The following STK33 variants were observed in gnomAD, a reference collection of about 807,000 sequenced individuals.
STK33 encodes the protein serine/threonine-protein kinase 33.
Under a neutral mutation model 58.0 loss-of-function variants are expected in STK33, and 52 were observed. The observed-to-expected ratio is 0.90, with a 90% CI of 0.72 to 1.13. STK33 has a LOEUF of 1.13. STK33 is among the 50% of genes most tolerant of loss of function. The probability of loss-of-function intolerance (pLI) is 0.00; values close to 1 mark genes in which losing one functional copy is unlikely to be tolerated. For missense variants in STK33, 630 were observed against 604.2 expected, an observed-to-expected ratio of 1.04 and a Z score of -0.45; for synonymous variants, 215 against 200.1, an observed-to-expected ratio of 1.07 and a Z score of -0.63.
At chr11:8,366,987 A>G in the STK33 span, among the ~76,000 whole-genome samples, 3 of 152,152 alleles carry the variant, frequency 2.0e-5, no homozygotes, top group East Asian at 5.8e-4. Context: ...CATGTGTGCA[A>G]GTGTATTTGT....
chr11:8,396,130 T>G (rs1431809462), intron 15 of STK33, among the ~76,000 whole-genome samples: 1 of 152,050 alleles, frequency 6.6e-6, no homozygotes, highest in Non-Finnish European at 1.5e-5. Flanking sequence ...TGAGGTGGAG[T>G]TTTGCTCTTA....
intron 1 of STK33, among the ~76,000 whole-genome samples, chr11:8,494,940 T>G (rs570819652): frequency 6.6e-6 from 1 of 152,072 alleles, no homozygotes; most frequent in African/African-American, 2.4e-5. Flanking sequence ...ACACAAAAAT[T>G]AACTCAAGAT....
chr11:8,455,580 G>A (rs559755179), intron 9 of STK33, among the ~76,000 whole-genome samples: 2 of 152,140 alleles, frequency 1.3e-5, no homozygotes, highest in East Asian at 1.9e-4. Context: ...AGGCTGAGGC[G>A]GGCGGATCAT....
chr11:8,481,313 A>G (rs2138211909), intron 1 of STK33, among the ~76,000 whole-genome samples: 1 of 152,348 alleles, frequency 6.6e-6, no homozygotes, highest in South Asian at 2.1e-4. Context: ...TTTAGCAGAA[A>G]TAATATTAAT....
chr11:8,482,979 C>T (rs1949938508), intron 1 of STK33, among the ~76,000 whole-genome samples: 1 of 152,060 alleles, frequency 6.6e-6, no homozygotes, highest in Non-Finnish European at 1.5e-5. Flanking sequence ...AATCTGCCTG[C>T]CTCGGCCTCC....
In STK33 at chr11:8,448,187, C is replaced by T. The variant is rs185897678; in HGVS notation, c.871+4635G>A. On this transcript the variant is annotated intron_variant, in intron 11 of 15. Transcript: ENST00000687296. The stretch of plus-strand genomic sequence containing the variant: ...GCTCACGGGTAGGAAGAATCAATAT[C>T]GTGAAAATGGCCATACTGTCCAAGG... Among the ~76,000 whole-genome samples, 575 of 152,188 alleles carry T rather than the reference C, an allele frequency of 3.8e-3. 6 individuals carry two copies. The highest frequency in any genetic ancestry group is 0.013 in the African/African-American group (555 of 41,518).
chr11:8,361,153 A>T, the STK33 span, among the ~76,000 whole-genome samples: 9 of 152,320 alleles, frequency 5.9e-5, no homozygotes, highest in East Asian at 1.7e-3. This position sits in a 1 kb window ranked among gnomAD's most constrained non-coding sequence, Gnocchi z 4.8. Context: ...GTTCCTGGAA[A>T]GCCTGAGGTT....
intron 1 of STK33, among the ~76,000 whole-genome samples, chr11:8,519,762 G>A (rs1452773981): frequency 5.3e-5 from 8 of 152,016 alleles, no homozygotes; most frequent in Non-Finnish European, 8.8e-5. Context: ...ATAAATTCCT[G>A]GACACATACA....
chr11:8,473,393 C>G (rs1263665217), intron 5 of STK33, 117 bp from the exon 6 acceptor site: 1 of 647,470 alleles, frequency 1.5e-6, no homozygotes, highest in Non-Finnish European at 2.7e-6. Flanking sequence ...GTTTACTATG[C>G]ACAAGATTGT....
At chr11:8,338,161 C>G in the STK33 span, among the ~76,000 whole-genome samples, 2 of 152,224 alleles carry the variant, frequency 1.3e-5, no homozygotes, top group African/African-American at 4.8e-5. Context: ...AATAAATTGT[C>G]CAGTGTGTGA....
chr11:8,534,272 T>A (rs763001928), intron 1 of STK33, among the ~76,000 whole-genome samples: 1 of 145,980 alleles, frequency 6.9e-6, no homozygotes, highest in Admixed American at 6.7e-5. Context: ...CAAGACTGCA[T>A]CTCAAAAAAA....
intron 1 of STK33, among the ~76,000 whole-genome samples, chr11:8,548,127 G>A (rs990031744): frequency 1.2e-4 from 18 of 150,310 alleles, no homozygotes; most frequent in South Asian, 2.1e-4. Context: ...AAACCTGCAC[G>A]TTGTGCACAT....
chr11:8,592,226 T>A (rs1174655434), intron 1 of STK33, among the ~76,000 whole-genome samples: 1 of 152,050 alleles, frequency 6.6e-6, no homozygotes, highest in Non-Finnish European at 1.5e-5. Context: ...GATAACTTAT[T>A]CAACTAATTC....
At chr11:8,591,116 A>G (rs2032525578) in intron 1 of STK33, among the ~76,000 whole-genome samples, 2 of 152,224 alleles carry the variant, frequency 1.3e-5, no homozygotes, top group Non-Finnish European at 2.9e-5. Context: ...AGATAAGTCA[A>G]TGGTTGAAAC....
rs1290303482 is a variant in STK33 at position 8,594,224 on chromosome 11, A to C, written c.-607T>G. The C allele has an allele frequency of 6.6e-6, 1 of 152,266 alleles. No individual in the cohort carries two copies. Among genetic ancestry groups the C allele is most frequent in the Non-Finnish European group, 1.5e-5 (1 of 68,098 alleles). 9.4% of individuals were successfully genotyped at this position (152,266 alleles called of 1,614,324 possible). On this transcript the variant is annotated 5_prime_UTR_variant, in exon 1 of 16. Transcript: ENST00000687296. Reference sequence around the variant, plus strand: ...GTGGACGGGGGCCGCGCGAGGACAAACAGCGGCGGCGGGTGCAAAGCCCCT... The same window carrying C: ...GTGGACGGGGGCCGCGCGAGGACAACCAGCGGCGGCGGGTGCAAAGCCCCT...
chr11:8,529,579 G>A (rs1252011381), intron 1 of STK33, among the ~76,000 whole-genome samples: 2 of 152,086 alleles, frequency 1.3e-5, no homozygotes, highest in Admixed American at 1.3e-4. Context: ...GCAAAAAGCT[G>A]TTGTTGATGT....
intron 1 of STK33, among the ~76,000 whole-genome samples, chr11:8,523,061 C>A (rs1418957855): frequency 6.6e-6 from 1 of 152,224 alleles, no homozygotes. Context: ...CCTGAGCTGC[C>A]GGGATTGCAG....
the STK33 span, among the ~76,000 whole-genome samples, chr11:8,340,065 G>A: frequency 6.6e-6 from 1 of 152,370 alleles, no homozygotes; most frequent in East Asian, 1.9e-4. Flanking sequence ...TTAATGAATA[G>A]GAGTGCGTTC....
At chr11:8,481,936 A>C (rs1468279923) in intron 1 of STK33, among the ~76,000 whole-genome samples, 1 of 152,216 alleles carries the variant, frequency 6.6e-6, no homozygotes, top group African/African-American at 2.4e-5. Flanking sequence ...ATTCAACAAA[A>C]TATCAATATT....
Sources: allele counts gnomAD v4.1 joint callset (sites outside exome capture counted in the v4.1 genomes callset), GRCh38; gene constraint gnomAD v4.1.1; non-coding constraint Gnocchi (gnomAD v3.1); transcripts MANE v1.5; gene names NCBI Gene and HGNC (gene_info 2026-07-23, HGNC 2026-07-21).